The following SLC4A8 variants were observed in gnomAD, a reference collection of about 807,000 sequenced individuals.
SLC4A8 encodes the protein solute carrier family 4 member 8.
A neutral mutation model predicts 125.0 loss-of-function variants in SLC4A8; 40 were observed. That is an observed-to-expected ratio of 0.32 (90% CI 0.25 to 0.42). The LOEUF is 0.42. SLC4A8 is among the 10% of genes least tolerant of loss of function. The pLI, the probability that SLC4A8 is intolerant of heterozygous loss-of-function variation, is 1.00. For missense variants in SLC4A8, 863 were observed against 1,355.1 expected (o/e 0.64, Z 5.70); for synonymous variants, 456 against 476.0 (o/e 0.96, Z 0.55).
chr12:51,470,367 C>T, intron 12 of SLC4A8, 25 bp from the exon 13 acceptor site: 5 of 1,612,502 alleles, frequency 3.1e-6, no homozygotes, highest in Non-Finnish European at 4.2e-6. Context: ...GCTATGGACT[C>T]AGTGATGACT....
intron 1 of SLC4A8, 188 bp downstream of exon 1, chr12:51,425,223 G>C: frequency 1.4e-6 from 2 of 1,396,744 alleles, no homozygotes; most frequent in Non-Finnish European, 1.9e-6. Flanking sequence ...CTGCGAGAGA[G>C]TGACCTTGGG....
chr12:51,477,394 A>C (rs973541063), intron 16 of SLC4A8, among the ~76,000 whole-genome samples: 2 of 152,200 alleles, frequency 1.3e-5, no homozygotes, highest in African/African-American at 4.8e-5. Flanking sequence ...ACTCAGGAAC[A>C]GTTTAAAATA....
intron 1 of SLC4A8, among the ~76,000 whole-genome samples, chr12:51,398,267 G>A (rs924115829): frequency 1.3e-5 from 2 of 152,008 alleles, no homozygotes; most frequent in Non-Finnish European, 2.9e-5. Context: ...TGATTCCTTG[G>A]CATTTTATAT....
At chr12:51,468,416 A>G (rs906438209) in intron 11 of SLC4A8, among the ~76,000 whole-genome samples, 5 of 152,224 alleles carry the variant, frequency 3.3e-5, no homozygotes, top group African/African-American at 9.6e-5. Flanking sequence ...TCTTCTGTTT[A>G]TAGTTCTTCA....
At chr12:51,497,184 G>A in intron 22 of SLC4A8, 60 bp downstream of exon 22, 1 of 1,531,574 alleles carries the variant, frequency 6.5e-7, no homozygotes, top group East Asian at 2.3e-5. Flanking sequence ...CATAGGAAGG[G>A]TCATGTGAAA....
In SLC4A8 at chr12:51,514,545, C is replaced by T. The variant is rs887612654; in HGVS notation, c.*7107C>T. ...AGAATGGTGAGGAGTTGGACAGTCC[C>T]GGGGCTTTTTTGAAAGGGGACTTTA... is the stretch of plus-strand genomic sequence containing the variant. On this transcript the variant is annotated 3_prime_UTR_variant, in exon 25 of 25. Coordinates refer to ENST00000453097, the MANE Select transcript of SLC4A8 (RefSeq NM_001039960.3). The T allele has an allele frequency of 5.3e-5, 8 of 152,060 alleles. No homozygotes were observed. Among genetic ancestry groups the T allele is most frequent in the Non-Finnish European group, 2.9e-5 (2 of 68,002 alleles). The allele number at this position is 152,060 out of a possible 1,614,324, so 9.4% of individuals were successfully genotyped here.
chr12:51,491,137 T>C (rs1951306148), intron 19 of SLC4A8, among the ~76,000 whole-genome samples: 1 of 152,048 alleles, frequency 6.6e-6, no homozygotes, highest in Admixed American at 6.6e-5. Context: ...GATTGTATGA[T>C]TTTTGTGAGG....
chr12:51,513,031 C>T lies in SLC4A8; in HGVS notation c.*5593C>T, dbSNP rs1938419694. The T allele has an allele frequency of 6.6e-6, 1 of 152,040 alleles. No homozygotes were observed. The highest frequency in any genetic ancestry group is 2.1e-4 in the South Asian group (1 of 4,820). The allele number at this position is 152,040 out of a possible 1,614,324, so 9.4% of individuals were successfully genotyped here. A position where few individuals can be genotyped will look rare whatever the true frequency, so the allele number is the denominator to read the frequency against. ...GTTGGCAGACCAATGCCCTGATAAG[C>T]TTGTGGTATAGAGGTAGGAAGGGAG... On this transcript the variant is annotated 3_prime_UTR_variant, in exon 25 of 25. Coordinates refer to ENST00000453097, the MANE Select transcript of SLC4A8 (RefSeq NM_001039960.3).
Position 51,469,719 on chromosome 12 carries a change from G to A in SLC4A8, c.1455G>A (p.Leu485=). 6.2e-7 allele frequency: 1 copy of A among 1,614,054 alleles called. No homozygotes were observed. The highest frequency in any genetic ancestry group is 8.5e-7 in the Non-Finnish European group (1 of 1,180,018). Residue 485 remains leucine (L), a synonymous_variant, in exon 12 of 25, where the codon CTG becomes CTA. Transcript: ENST00000453097. ...AGTGTTTGGCTTCCTTTCTGTTCCT[G>A]TACTGTGCCTGCATGTCACCTGTCA... is the stretch of plus-strand genomic sequence containing the variant. ...SLQCLASFLF[L]YCACMSPVIT...
intron 1 of SLC4A8, among the ~76,000 whole-genome samples, chr12:51,436,552 C>T (rs1017112707): frequency 9.2e-5 from 14 of 152,124 alleles, no homozygotes; most frequent in Admixed American, 2.0e-4. Context: ...TTCCCTCCCT[C>T]CTCTCTAGGT....
chr12:51,399,466 AT>A (rs10710903), intron 1 of SLC4A8, among the ~76,000 whole-genome samples: 42,437 of 151,212 alleles, frequency 0.28, 6,033 homozygotes, highest in Non-Finnish European at 0.31. Flanking sequence ...CAGCTTCTTA[AT>A]TTTTTTTTTA....
In SLC4A8 at chr12:51,503,228, T is replaced by TA. The variant is rs200611136; in HGVS notation, c.3082-801_3082-800insA. On this transcript the variant is annotated intron_variant, in intron 22 of 24. Transcript: ENST00000453097. ...TTATTATTATTTTTTTATTTTTTAT[T>TA]TTTATTTTTTTTTTGAGACGGAGTC... Among the ~76,000 whole-genome samples, 247 of 121,616 alleles carry TA rather than the reference T, an allele frequency of 2.0e-3. 3 individuals carry two copies. The highest frequency in any genetic ancestry group is 2.4e-3 in the Non-Finnish European group (130 of 53,680). 79.8% of individuals were successfully genotyped at this position (121,616 alleles called of 152,430 possible).
At chr12:51,406,179 G>A (rs1948483925) in intron 1 of SLC4A8, among the ~76,000 whole-genome samples, 1 of 152,230 alleles carries the variant, frequency 6.6e-6, no homozygotes, top group African/African-American at 2.4e-5. Flanking sequence ...TAGGACCAGA[G>A]AGGGAAAAGA....
chr12:51,494,237 G>A (rs1308581193), intron 20 of SLC4A8: 1 of 156,924 alleles, frequency 6.4e-6, no homozygotes, highest in African/African-American at 2.4e-5. Context: ...TCCTGGTAAG[G>A]AGATGTCACT....
Position 51,424,921 on chromosome 12 carries a change from G to C in SLC4A8, c.-67G>C. 4.6e-6 allele frequency: 7 copies of C among 1,526,808 alleles called. No individual in the cohort carries two copies. Among genetic ancestry groups the C allele is most frequent in the Non-Finnish European group, 6.2e-6 (7 of 1,126,278 alleles). The allele number at this position is 1,526,808 out of a possible 1,614,324, so 94.6% of individuals were successfully genotyped here. On this transcript the variant is annotated 5_prime_UTR_variant, in exon 1 of 25. Transcript: ENST00000453097. ...CCGTTCGAGTGATCTGCTCAGACCC[G>C]ACCAGAGGGCGCGGGCTGCTGATGC...
chr12:51,455,301 C>T (rs566579272), intron 5 of SLC4A8, among the ~76,000 whole-genome samples: 116 of 149,542 alleles, frequency 7.8e-4, no homozygotes, highest in African/African-American at 2.7e-3. Flanking sequence ...AAGAAAGAAA[C>T]GGTTCCTACC....
At chr12:51,506,249 T>C (rs932041368) in intron 24 of SLC4A8, among the ~76,000 whole-genome samples, 1 of 152,228 alleles carries the variant, frequency 6.6e-6, no homozygotes, top group Non-Finnish European at 1.5e-5. Flanking sequence ...CTGAAGGGCA[T>C]GTCTCTGGTT....
chr12:51,447,056 G>GTCTATCTATCTATCTATCTA lies in SLC4A8; in HGVS notation c.131-3809_131-3808insATCTATCTATCTATCTATCT, dbSNP rs1038724217. Among the ~76,000 whole-genome samples, 1,418 of 147,358 alleles carry GTCTATCTATCTATCTATCTA rather than the reference G, an allele frequency of 9.6e-3. 10 individuals are homozygous for GTCTATCTATCTATCTATCTA. The highest frequency in any genetic ancestry group is 0.035 in the Middle Eastern group (10 of 288). Reference sequence around the variant, plus strand: ...TGCCTGCCTGTCTGTCTGTCTGTCTGTCTATCTATCTGTCTATCTATCTAT... The same window carrying GTCTATCTATCTATCTATCTA: ...TGCCTGCCTGTCTGTCTGTCTGTCTGTCTATCTATCTATCTATCTATCTATCTATCTGTCTATCTATCTAT... On this transcript the variant is annotated intron_variant, in intron 2 of 24. Coordinates refer to ENST00000453097, the MANE Select transcript of SLC4A8 (RefSeq NM_001039960.3).
At chr12:51,504,260 T>C (rs1938069761) in intron 23 of SLC4A8, 140 bp downstream of exon 23, 1 of 663,756 alleles carries the variant, frequency 1.5e-6, no homozygotes, top group South Asian at 1.8e-5. Context: ...CCTGTGAAAA[T>C]ACCTTTTCCA....
Sources: allele counts gnomAD v4.1 joint callset (sites outside exome capture counted in the v4.1 genomes callset), GRCh38; gene constraint gnomAD v4.1.1; transcripts MANE v1.5; gene names NCBI Gene and HGNC (gene_info 2026-07-23, HGNC 2026-07-21).